HSD17B12: variants seen among roughly 807,000 people sequenced by gnomAD.
The protein encoded by HSD17B12 is hydroxysteroid 17-beta dehydrogenase 12, also known as very-long-chain 3-oxoacyl-CoA reductase.
Under a neutral mutation model 39.3 loss-of-function variants are expected in HSD17B12, and 32 were observed. The ratio of observed to expected loss-of-function variants is 0.81; its 90% CI spans 0.61 to 1.09. The LOEUF (loss-of-function observed/expected upper bound fraction) is 1.09, where lower values mean the gene tolerates loss of function less well. HSD17B12 is among the 50% of genes least tolerant of loss of function. HSD17B12 has a pLI of 0.00. For synonymous variants in HSD17B12, 150 were observed against 146.7 expected, an observed-to-expected ratio of 1.02 and a Z score of -0.16; for missense variants, 342 against 382.9, an observed-to-expected ratio of 0.89 and a Z score of 0.89.
At chr11:43,799,387 AG>A (rs1352683589) in intron 4 of HSD17B12, among the ~76,000 whole-genome samples, 1 of 152,012 alleles carries the variant, frequency 6.6e-6, no homozygotes, top group East Asian at 1.9e-4. Context: ...TTTTTTTCTA[AG>A]TCTTATACCC....
At chr11:43,683,112 T>G (rs1252066554) in intron 1 of HSD17B12, among the ~76,000 whole-genome samples, 4 of 151,626 alleles carry the variant, frequency 2.6e-5, no homozygotes, top group Admixed American at 2.0e-4. Context: ...TTGTTTTTTT[T>G]TTTTTTTCTC....
chr11:43,659,908 A>G, the HSD17B12 span, among the ~76,000 whole-genome samples: 1 of 152,084 alleles, frequency 6.6e-6, no homozygotes, highest in African/African-American at 2.4e-5. Flanking sequence ...GCCAAAGTCA[A>G]TTTTTTTACA....
At chr11:43,812,131 C>T (rs953506721) in intron 4 of HSD17B12, among the ~76,000 whole-genome samples, 18 of 152,126 alleles carry the variant, frequency 1.2e-4, no homozygotes, top group African/African-American at 4.3e-4. Context: ...TTGATGGACA[C>T]TTAAGTCAAT....
the HSD17B12 span, among the ~76,000 whole-genome samples, chr11:43,582,189 C>G: frequency 6.6e-6 from 1 of 152,218 alleles, no homozygotes; most frequent in Non-Finnish European, 1.5e-5. Context: ...GGGGGTAAAA[C>G]AGGCGAGAAC....
intron 6 of HSD17B12, among the ~76,000 whole-genome samples, chr11:43,825,043 A>T (rs1951220201): frequency 6.6e-6 from 1 of 151,830 alleles, no homozygotes; most frequent in South Asian, 2.1e-4. Context: ...AGGCAGGAGG[A>T]TTGCTTGAAC....
chr11:43,777,901 C>A (rs1334622639), intron 3 of HSD17B12, among the ~76,000 whole-genome samples: 2 of 151,988 alleles, frequency 1.3e-5, no homozygotes, highest in Admixed American at 6.6e-5. Flanking sequence ...AAAATTGACA[C>A]CCTGACATCA....
At chr11:43,647,442 A>ATT in the HSD17B12 span, among the ~76,000 whole-genome samples, 83,693 of 123,264 alleles carry the variant, frequency 0.68, 29,543 homozygotes, top group East Asian at 0.91. Flanking sequence ...CACCTTGCTA[A>ATT]TTTTTTTTTT....
chr11:43,739,999 G>T (rs1371500350), intron 1 of HSD17B12, among the ~76,000 whole-genome samples: 1 of 152,126 alleles, frequency 6.6e-6, no homozygotes, highest in African/African-American at 2.4e-5. Flanking sequence ...AATTGGAGAG[G>T]AGTAAGAACG....
intron 1 of HSD17B12, among the ~76,000 whole-genome samples, chr11:43,720,471 A>T (rs1950166365): frequency 6.6e-6 from 1 of 152,246 alleles, no homozygotes; most frequent in South Asian, 2.1e-4. Context: ...TGCATCTAAT[A>T]GCAATTTTCT....
At chr11:43,562,434 T>C in the HSD17B12 span, among the ~76,000 whole-genome samples, 1 of 152,228 alleles carries the variant, frequency 6.6e-6, no homozygotes, top group Non-Finnish European at 1.5e-5. Flanking sequence ...TAAGCCTCAG[T>C]TTCTTGACAT....
At chr11:43,714,668 T>C (rs1336414515) in intron 1 of HSD17B12, among the ~76,000 whole-genome samples, 3 of 152,188 alleles carry the variant, frequency 2.0e-5, no homozygotes, top group Non-Finnish European at 4.4e-5. Flanking sequence ...AAGAAAGTCA[T>C]TGGTAGCTTG....
At chr11:43,673,894 A>G in the HSD17B12 span, among the ~76,000 whole-genome samples, 2 of 152,100 alleles carry the variant, frequency 1.3e-5, no homozygotes, top group Non-Finnish European at 2.9e-5. Flanking sequence ...TCAAATTCCA[A>G]TTCTTCCACT....
intron 1 of HSD17B12, among the ~76,000 whole-genome samples, chr11:43,686,425 A>G (rs917668673): frequency 3.3e-5 from 5 of 152,220 alleles, no homozygotes; most frequent in South Asian, 2.1e-4. Flanking sequence ...TGGAGTCTAC[A>G]TAAGAGGAAA....
intron 1 of HSD17B12, among the ~76,000 whole-genome samples, chr11:43,726,058 T>C (rs2134876297): frequency 6.6e-6 from 1 of 152,320 alleles, no homozygotes; most frequent in South Asian, 2.1e-4. Context: ...TAGTAATATG[T>C]AGTGCTTACA....
intron 3 of HSD17B12, among the ~76,000 whole-genome samples, chr11:43,775,799 C>T (rs1950697179): frequency 6.7e-6 from 1 of 148,836 alleles, no homozygotes; most frequent in Admixed American, 6.7e-5. Context: ...TGATGTTCCC[C>T]TTCCTGTGTC....
intron 1 of HSD17B12, among the ~76,000 whole-genome samples, chr11:43,683,667 A>G (rs1949772553): frequency 6.6e-6 from 1 of 152,204 alleles, no homozygotes; most frequent in Admixed American, 6.5e-5. Flanking sequence ...TTTTTTCCCT[A>G]CGAAATTACT....
intron 1 of HSD17B12, among the ~76,000 whole-genome samples, chr11:43,698,554 A>G (rs1949933880): frequency 6.6e-6 from 1 of 152,246 alleles, no homozygotes; most frequent in Admixed American, 6.5e-5. Flanking sequence ...AAGAACGGGT[A>G]CAGGATTATC....
the HSD17B12 span, among the ~76,000 whole-genome samples, chr11:43,636,566 A>G: frequency 6.6e-6 from 1 of 152,082 alleles, no homozygotes; most frequent in African/African-American, 2.4e-5. Context: ...GAAATAGGAT[A>G]TATTACATCT....
At chr11:43,758,731 T>G (rs577713519) in intron 3 of HSD17B12, among the ~76,000 whole-genome samples, 2 of 152,314 alleles carry the variant, frequency 1.3e-5, no homozygotes, top group East Asian at 3.9e-4. Flanking sequence ...AGCACAGTCT[T>G]TGTACTCATC....
Sources: gnomAD v4.1 joint callset for allele counts (sites outside exome capture counted in the v4.1 genomes callset) on GRCh38, gnomAD v4.1.1 for gene constraint, MANE v1.5 for transcripts, NCBI Gene and HGNC (gene_info 2026-07-23, HGNC 2026-07-21) for gene names.